The following RPAP2 variants were observed in gnomAD, a reference collection of about 807,000 sequenced individuals.
The protein encoded by RPAP2 is putative RNA polymerase II subunit B1 CTD phosphatase RPAP2.
A neutral mutation model predicts 73.1 loss-of-function variants in RPAP2; 52 were observed. The observed-to-expected ratio is 0.71, with a 90% CI of 0.57 to 0.90. The LOEUF (loss-of-function observed/expected upper bound fraction) is 0.90. Among genes scored for constraint, RPAP2 ranks in the 40% least tolerant of loss-of-function variants. RPAP2 has a pLI of 0.00. For missense variants in RPAP2, 598 were observed against 701.8 expected (o/e 0.85, Z 1.67); for synonymous variants, 225 against 242.1 (o/e 0.93, Z 0.65).
rs76361188 is a variant in RPAP2 at position 92,385,681 on chromosome 1, T to C, written c.*-1330T>C. On this transcript the variant is annotated intron_variant, in intron 12 of 12. Transcript: ENST00000610020. ...TTGTGAATAACAGAAAAAAAATCCA[T>C]TTCCAACTACCTTTTGTTATTGTGG... Among the ~76,000 whole-genome samples the C allele has an allele frequency of 3.9e-5, 6 of 152,336 alleles. No homozygotes were observed. In the East Asian group the frequency reaches 1.2e-3, roughly 29 times the overall value.
chr1:92,383,203 G>A (rs1042900367), intron 12 of RPAP2, among the ~76,000 whole-genome samples: 2 of 152,080 alleles, frequency 1.3e-5, no homozygotes, highest in African/African-American at 4.8e-5. Flanking sequence ...CAGGTAGCGT[G>A]ATGCCTCCAG....
rs557243482 is a variant in RPAP2, at chr1:92,375,554, G to C, written c.1689-5170G>C. On this transcript the variant is annotated intron_variant, in intron 11 of 12. Coordinates refer to ENST00000610020, the MANE Select transcript of RPAP2 (RefSeq NM_024813.3). ...TACTAAAAATACAAAAAATTGGACA[G>C]GCGCAGTGGCTCAAGCCTGTAATCT... Among the ~76,000 whole-genome samples, 3 of 152,244 alleles carry C rather than the reference G, an allele frequency of 2.0e-5. No individual in the cohort carries two copies. The East Asian group carries it at 5.8e-4, about 29-fold the overall frequency.
intron 9 of RPAP2, among the ~76,000 whole-genome samples, chr1:92,336,021 T>G (rs1324185380): frequency 6.6e-6 from 1 of 152,214 alleles, no homozygotes; most frequent in African/African-American, 2.4e-5. Flanking sequence ...TGGACCATTT[T>G]GGGGGCAGTT....
intron 9 of RPAP2, among the ~76,000 whole-genome samples, chr1:92,334,389 A>T (rs1484107464): frequency 6.6e-6 from 1 of 152,164 alleles, no homozygotes; most frequent in Non-Finnish European, 1.5e-5. Context: ...GAAATAAAAT[A>T]TGTTGTATAT....
chr1:92,338,262 A>G (rs72960813), intron 10 of RPAP2, among the ~76,000 whole-genome samples: 3,422 of 152,304 alleles, frequency 0.022, 159 homozygotes, highest in African/African-American at 0.077. Flanking sequence ...TGTCATGAAA[A>G]CTATGCAATT....
chr1:92,301,530 T>C lies in RPAP2; in HGVS notation c.174T>C (p.Ala58=). ...VRKKIEFERK[A]LHIVEQLLEE... ...AGAAGATTGAATTTGAGAGAAAAGC[T>C]CTACATATTGTTGAACAGCTTTTAG... Residue 58 remains alanine, a synonymous_variant, in exon 3 of 13, where the codon GCT becomes GCC. Coordinates refer to ENST00000610020, the MANE Select transcript of RPAP2 (RefSeq NM_024813.3). 3 of 1,598,248 alleles carry C rather than the reference T, an allele frequency of 1.9e-6. No homozygotes were observed. Among genetic ancestry groups the C allele is most frequent in the South Asian group, 1.1e-5 (1 of 87,876 alleles).
chr1:92,384,084 T>C (rs1484263138), intron 12 of RPAP2, among the ~76,000 whole-genome samples: 1 of 151,304 alleles, frequency 6.6e-6, no homozygotes, highest in Admixed American at 6.6e-5. Flanking sequence ...TCAGCCTCCC[T>C]GTAGCTGGGA....
At chr1:92,360,542 C>T (rs1438897221) in intron 11 of RPAP2, among the ~76,000 whole-genome samples, 1 of 152,046 alleles carries the variant, frequency 6.6e-6, no homozygotes, top group Non-Finnish European at 1.5e-5. Context: ...GGGAAGGAGA[C>T]GTTAGACAGG....
chr1:92,333,287 G>T (rs1353716636), intron 8 of RPAP2, 104 bp from the exon 9 acceptor site: 2 of 841,394 alleles, frequency 2.4e-6, no homozygotes, highest in South Asian at 1.6e-5. Context: ...TTCCTACTGT[G>T]CCACAGATAC....
At chr1:92,334,870 C>T (rs1056270327) in intron 9 of RPAP2, among the ~76,000 whole-genome samples, 1 of 152,102 alleles carries the variant, frequency 6.6e-6, no homozygotes, top group Non-Finnish European at 1.5e-5. Flanking sequence ...TGCCTGTAGT[C>T]CCAGTTACTC....
intron 11 of RPAP2, among the ~76,000 whole-genome samples, chr1:92,364,261 A>G (rs1654842928): frequency 6.6e-6 from 1 of 152,212 alleles, no homozygotes; most frequent in Non-Finnish European, 1.5e-5. Context: ...TGGAGAAAGC[A>G]GATTGCAACA....
At chr1:92,350,209 C>A (rs1654127017) in intron 11 of RPAP2, among the ~76,000 whole-genome samples, 1 of 152,146 alleles carries the variant, frequency 6.6e-6, no homozygotes, top group South Asian at 2.1e-4. Context: ...CATGGAAAGA[C>A]CTTTTAAAGC....
At chr1:92,385,401 A>C (rs905607908) in intron 12 of RPAP2, among the ~76,000 whole-genome samples, 40 of 152,272 alleles carry the variant, frequency 2.6e-4, no homozygotes, top group African/African-American at 9.1e-4. Flanking sequence ...ATTTATTTAC[A>C]TTGTTCATTT....
In RPAP2 at chr1:92,362,589, T is replaced by C. The variant is rs183356062; in HGVS notation, c.1688+16675T>C. Among the ~76,000 whole-genome samples the C allele has an allele frequency of 4.6e-5, 7 of 152,276 alleles. No individual in the cohort carries two copies. In the East Asian group the frequency reaches 1.2e-3, roughly 25 times the overall value. The stretch of plus-strand genomic sequence containing the variant: ...ATATCAGAATACACAAGGCTTAACA[T>C]TGAAAATTCCGAGTGCAGCAAAAGC... On this transcript the variant is annotated intron_variant, in intron 11 of 12. Transcript: ENST00000610020.
rs755333583 is a variant in RPAP2, at chr1:92,396,638, G to GTC, written c.*9628_*9629insCT. ...TGTAATTTTTGCACAACTTTTATGT[G>GTC]TGTGTGTGTGTGTGTGTGTGAGATG... is the stretch of plus-strand genomic sequence containing the variant. On this transcript the variant is annotated 3_prime_UTR_variant, in exon 13 of 13. Coordinates refer to ENST00000610020, the MANE Select transcript of RPAP2 (RefSeq NM_024813.3). The GTC allele has an allele frequency of 8.8e-6, 1 of 113,052 alleles. No homozygotes were observed. The highest frequency in any genetic ancestry group is 2.7e-5 in the African/African-American group (1 of 36,536). 7.0% of individuals were successfully genotyped at this position (113,052 alleles called of 1,614,324 possible).
chr1:92,355,983 T>C (rs1467952814), intron 11 of RPAP2, among the ~76,000 whole-genome samples: 2 of 152,202 alleles, frequency 1.3e-5, no homozygotes, highest in Admixed American at 6.5e-5. Context: ...GTTTAGTATC[T>C]GCACATTATA....
chr1:92,325,419 T>C (rs918404583), intron 8 of RPAP2, among the ~76,000 whole-genome samples: 1 of 152,126 alleles, frequency 6.6e-6, no homozygotes, highest in Non-Finnish European at 1.5e-5. Context: ...ATCCAAAACT[T>C]ATATTAAGCT....
intron 11 of RPAP2, among the ~76,000 whole-genome samples, chr1:92,368,239 C>T (rs1022324718): frequency 3.3e-5 from 5 of 152,038 alleles, no homozygotes; most frequent in East Asian, 1.9e-4. Flanking sequence ...ATTAGCTAGG[C>T]GTGGTGGTGG....
intron 5 of RPAP2, among the ~76,000 whole-genome samples, chr1:92,305,562 C>G (rs1381894563): frequency 1.4e-5 from 2 of 146,854 alleles, no homozygotes; most frequent in Non-Finnish European, 3.0e-5. Flanking sequence ...AAATGTAAAA[C>G]TTTTGTTCAT....
Sources: gnomAD v4.1 joint callset for allele counts (sites outside exome capture counted in the v4.1 genomes callset) on GRCh38, gnomAD v4.1.1 for gene constraint, MANE v1.5 for transcripts, NCBI Gene and HGNC (gene_info 2026-07-23, HGNC 2026-07-21) for gene names.